The following CCDC62 variants were observed in gnomAD, a reference collection of about 807,000 sequenced individuals.
CCDC62 encodes the protein coiled-coil domain-containing protein 62.
CCDC62 carries 72 observed loss-of-function variants against 80.8 expected under a neutral mutation model. That is an observed-to-expected ratio of 0.89 (90% CI 0.74 to 1.08). The LOEUF (loss-of-function observed/expected upper bound fraction) is 1.08, where lower values mean the gene tolerates loss of function less well. Ranked by LOEUF, CCDC62 falls within the 50% of genes least tolerant of loss-of-function variation. CCDC62 has a pLI of 0.00. For missense variants in CCDC62, 704 were observed against 809.4 expected (o/e 0.87, Z 1.58); for synonymous variants, 286 against 296.5 (o/e 0.96, Z 0.36).
At chr12:122,795,540 C>T (rs868300220) in intron 6 of CCDC62, among the ~76,000 whole-genome samples, 1 of 152,110 alleles carries the variant, frequency 6.6e-6, no homozygotes, top group Non-Finnish European at 1.5e-5. Context: ...TCTCCTGCCT[C>T]AGCCTCCCGA....
intron 6 of CCDC62, among the ~76,000 whole-genome samples, chr12:122,796,337 C>T (rs1030228799): frequency 2.0e-5 from 3 of 151,834 alleles, no homozygotes; most frequent in African/African-American, 7.3e-5. Flanking sequence ...GAGACAGTGT[C>T]TTGCTGTGTT....
intron 9 of CCDC62, among the ~76,000 whole-genome samples, chr12:122,805,537 C>T (rs1293334685): frequency 1.5e-4 from 8 of 55,012 alleles, no homozygotes; most frequent in Admixed American, 8.4e-4. Flanking sequence ...TTTTTTGAGG[C>T]GGAGTCTTGC....
chr12:122,802,301 G>A (rs956823218), intron 9 of CCDC62, among the ~76,000 whole-genome samples: 1 of 152,012 alleles, frequency 6.6e-6, no homozygotes, highest in Non-Finnish European at 1.5e-5. Flanking sequence ...GTGCATTGTG[G>A]TGGCTCATGC....
At position 122,806,289 on chromosome 12, in the gene CCDC62, T is replaced by A; in HGVS notation, c.1845T>A (p.Asn615Lys). The A allele has an allele frequency of 6.2e-7, 1 of 1,608,318 alleles. No homozygotes were observed. The highest frequency in any genetic ancestry group is 8.5e-7 in the Non-Finnish European group (1 of 1,176,506). Reference protein sequence around the residue: ...LLIYKDAPAFNEKASIVLPSQ... With the variant: ...LLIYKDAPAFKEKASIVLPSQ... Reference sequence around the variant, plus strand: ...TCTACAAAGATGCACCAGCATTCAATGAAAAGGTTCGTATTTTGCTTAGAC... The same window carrying A: ...TCTACAAAGATGCACCAGCATTCAAAGAAAAGGTTCGTATTTTGCTTAGAC... The change falls in exon 10 of 13, where the codon AAT becomes AAA. Residue 615 changes from asparagine (N) to lysine (K), a missense_variant. Asn to Lys is a moderately conservative substitution (Grantham distance 94). Coordinates refer to ENST00000253079, the MANE Select transcript of CCDC62 (RefSeq NM_201435.5).
chr12:122,792,065 A>G lies in CCDC62; in HGVS notation c.716A>G (p.Glu239Gly), dbSNP rs762641313. ...KTTENNEQRE[E>G]IIRLKQEKSC... ...ACAGAAAATAATGAGCAACGAGAAG[A>G]GATCATTCGCCTCAAGCAAGAGAAA... Residue 239 changes from glutamate to glycine, a missense_variant, in exon 6 of 13, where the codon GAG (glutamate) becomes GGG (glycine). Coordinates refer to ENST00000253079, the MANE Select transcript of CCDC62 (RefSeq NM_201435.5). 19 of 1,614,124 alleles carry G rather than the reference A, an allele frequency of 1.2e-5. 1 individual carries two copies. The highest frequency in any genetic ancestry group is 3.3e-4 in the Middle Eastern group (2 of 6,062).
intron 11 of CCDC62, among the ~76,000 whole-genome samples, chr12:122,817,967 C>A (rs1349940271): frequency 6.6e-6 from 1 of 152,026 alleles, no homozygotes; most frequent in Admixed American, 6.6e-5. Flanking sequence ...CTGCCACAGG[C>A]GGTCTCAGGG....
chr12:122,801,956 G>A, intron 9 of CCDC62, 104 bp downstream of exon 9: 2 of 1,244,960 alleles, frequency 1.6e-6, no homozygotes. Flanking sequence ...TAATCCAAAA[G>A]GCATGTTTGC....
chr12:122,824,309 G>C (rs918291189), intron 12 of CCDC62, among the ~76,000 whole-genome samples: 1 of 152,038 alleles, frequency 6.6e-6, no homozygotes, highest in African/African-American at 2.4e-5. Flanking sequence ...CCAGCTACTC[G>C]GGAGGCTGAG....
intron 11 of CCDC62, among the ~76,000 whole-genome samples, chr12:122,822,893 T>C (rs1418382817): frequency 6.6e-6 from 1 of 152,216 alleles, no homozygotes; most frequent in Non-Finnish European, 1.5e-5. Flanking sequence ...GGCACTTATG[T>C]TGCTTCCGCA....
At position 122,788,870 on chromosome 12, in the gene CCDC62, A is replaced by G. The variant is rs974695507; in HGVS notation, c.611A>G (p.Glu204Gly). 1.9e-6 allele frequency: 3 copies of G among 1,611,644 alleles called. No homozygotes were observed. Among genetic ancestry groups the G allele is most frequent in the African/African-American group, 2.7e-5 (2 of 74,858 alleles). ...AKMAETCIVK[E>G]KQDYKQKLKA... ...ATGGCGGAGACTTGTATTGTGAAAG[A>G]AAAGCAAGATTATAAGCAGAAATTG... The change falls in exon 5 of 13, where the codon GAA becomes GGA. Residue 204 changes from glutamate (E) to glycine (G), a missense_variant. Transcript: ENST00000253079.
chr12:122,790,239 C>A (rs71456775), intron 5 of CCDC62, among the ~76,000 whole-genome samples: 2,483 of 152,112 alleles, frequency 0.016, 30 homozygotes, highest in Non-Finnish European at 0.028. Flanking sequence ...TTAGTAGAGA[C>A]AGGGTTTCAT....
At position 122,788,921 on chromosome 12, in the gene CCDC62, A is replaced by T. The variant is rs1283485549; in HGVS notation, c.662A>T (p.Lys221Ile). The T allele has an allele frequency of 6.3e-7, 1 of 1,591,884 alleles. No individual in the cohort carries two copies. The highest frequency in any genetic ancestry group is 1.9e-5 in the Admixed American group (1 of 52,508). Residue 221 changes from lysine (K) to isoleucine (I), a missense_variant, in exon 5 of 13, where the codon AAA becomes ATA. Physicochemically the swap from Lys to Ile is moderately radical, Grantham distance 102 (BLOSUM62 -3). Transcript: ENST00000253079. ...KLKALKIEVN[K>I]LKEDLNEKTT... Reference sequence around the variant, plus strand: ...AAGGCACTTAAGATTGAAGTCAACAAACTAAAAGGTAAGGAAGAGACCTAC... The same window carrying T: ...AAGGCACTTAAGATTGAAGTCAACATACTAAAAGGTAAGGAAGAGACCTAC...
At position 122,778,874 on chromosome 12, in the gene CCDC62, G is replaced by A. The variant is rs116988067; in HGVS notation, c.229+1191G>A. On this transcript the variant is annotated intron_variant, in intron 2 of 12. Coordinates refer to ENST00000253079, the MANE Select transcript of CCDC62 (RefSeq NM_201435.5). ...ATCCTGGGCGACAGAGCGAGACTCC[G>A]TCAAAACAAAGAAAGAAACAAACAA... is the stretch of plus-strand genomic sequence containing the variant. Among the ~76,000 whole-genome samples the A allele has an allele frequency of 6.6e-3, 994 of 150,180 alleles. 7 individuals are homozygous for A. The highest frequency in any genetic ancestry group is 0.012 in the Non-Finnish European group (804 of 67,928).
At chr12:122,822,058 T>TCACACACAC (rs1358637565) in intron 11 of CCDC62, among the ~76,000 whole-genome samples, 2 of 18,316 alleles carry the variant, frequency 1.1e-4, no homozygotes, top group Admixed American at 9.7e-4. Context: ...TCTATAAATT[T>TCACACACAC]AAACACACAC....
At chr12:122,792,593 AC>A (rs748922814) in intron 6 of CCDC62, among the ~76,000 whole-genome samples, 1 of 151,420 alleles carries the variant, frequency 6.6e-6, no homozygotes, top group Non-Finnish European at 1.5e-5. Context: ...ATCTCGGCTC[AC>A]TGCAACCTCT....
chr12:122,815,997 G>C (rs1052709327), intron 11 of CCDC62, among the ~76,000 whole-genome samples: 1 of 152,152 alleles, frequency 6.6e-6, no homozygotes, highest in Non-Finnish European at 1.5e-5. Context: ...GTTAGATTCA[G>C]AGTTCCCTGG....
intron 5 of CCDC62, among the ~76,000 whole-genome samples, 176 bp downstream of exon 5, chr12:122,789,105 T>C (rs952024345): frequency 1.3e-5 from 2 of 152,242 alleles, no homozygotes; most frequent in African/African-American, 4.8e-5. Flanking sequence ...TTATAAGATA[T>C]ATAACAGAGT....
rs181190806 is a variant in CCDC62 at position 122,780,550 on chromosome 12, C to G, written c.230-614C>G. Among the ~76,000 whole-genome samples, 756 of 150,456 alleles carry G rather than the reference C, an allele frequency of 5.0e-3. 29 individuals are homozygous for G. The highest frequency in any genetic ancestry group is 0.045 in the Admixed American group (670 of 15,020). On this transcript the variant is annotated intron_variant, in intron 2 of 12. Transcript: ENST00000253079. ...AATGGCGTGAACCCAGGAGGCAGAG[C>G]TTGCAGTGAGCCGAGATCGCACCAC... is the stretch of plus-strand genomic sequence containing the variant.
intron 11 of CCDC62, 126 bp downstream of exon 11, chr12:122,813,545 G>A (rs1170227449): frequency 3.6e-6 from 3 of 823,992 alleles, no homozygotes; most frequent in Admixed American, 6.4e-5. Context: ...CTCTAGGGAG[G>A]AAAGGGAACA....
Sources: gnomAD v4.1 joint callset for allele counts (sites outside exome capture counted in the v4.1 genomes callset) on GRCh38, gnomAD v4.1.1 for gene constraint, MANE v1.5 for transcripts, NCBI Gene and HGNC (gene_info 2026-07-23, HGNC 2026-07-21) for gene names.